The following PCDHA6 variants were observed in gnomAD, a reference collection of about 807,000 sequenced individuals.
PCDHA6 encodes protocadherin alpha 6.
PCDHA6 carries 55 observed loss-of-function variants against 60.3 expected under a neutral mutation model. The ratio of observed to expected loss-of-function variants is 0.91; its 90% CI spans 0.73 to 1.14. PCDHA6 has a LOEUF of 1.14. Among genes scored for constraint, PCDHA6 ranks in the 50% most tolerant of loss-of-function variants. PCDHA6 has a pLI of 0.00. For missense variants in PCDHA6, 1,327 were observed against 1,256.5 expected (o/e 1.06, Z -0.85); for synonymous variants, 652 against 557.9 (o/e 1.17, Z -2.38).
chr5:140,941,211 CTTCCTTTCTTTCTTTCTTT>C (rs1563185577), intron 1 of PCDHA6, among the ~76,000 whole-genome samples: 1,494 of 129,708 alleles, frequency 0.012, 26 homozygotes, highest in African/African-American at 0.041. Flanking sequence ...TCCTTTCTTT[CTTCCTTTCTTTCTTTCTTT>C]CTTTCTTTCT....
intron 1 of PCDHA6, chr5:140,834,485 G>A (rs2150219471): frequency 1.2e-6 from 2 of 1,614,120 alleles, no homozygotes. Context: ...TCCACTACTC[G>A]GTCCCCGAGG....
intron 1 of PCDHA6, among the ~76,000 whole-genome samples, chr5:140,899,128 T>A (rs1217010779): frequency 3.9e-5 from 6 of 152,160 alleles, no homozygotes; most frequent in Non-Finnish European, 7.3e-5. Context: ...CAATCATGTC[T>A]TCTGCAAACA....
chr5:140,988,308 G>T (rs75602297), intron 3 of PCDHA6, among the ~76,000 whole-genome samples: 1,856 of 152,298 alleles, frequency 0.012, 44 homozygotes, highest in African/African-American at 0.043. Context: ...TGCCAGCTTG[G>T]CTTGGCTTTC....
intron 1 of PCDHA6, among the ~76,000 whole-genome samples, chr5:140,886,827 GAAAAAAAAAA>G (rs782016620): frequency 1.6e-5 from 1 of 60,890 alleles, no homozygotes; most frequent in East Asian, 5.7e-4. Flanking sequence ...ACTTCGTCTT[GAAAAAAAAAA>G]AAAAAAAAAA....
At chr5:140,952,705 T>C (rs2094784320) in intron 1 of PCDHA6, among the ~76,000 whole-genome samples, 1 of 152,160 alleles carries the variant, frequency 6.6e-6, no homozygotes, top group Non-Finnish European at 1.5e-5. Context: ...TATCCCACTC[T>C]CAGTATCAAT....
intron 1 of PCDHA6, chr5:140,876,422 A>G: frequency 1.2e-6 from 2 of 1,613,978 alleles, no homozygotes; most frequent in Non-Finnish European, 1.7e-6. Context: ...AATGCCTATG[A>G]AATTCAGGTT....
intron 1 of PCDHA6, chr5:140,848,493 G>A (rs2150411274): frequency 7.0e-6 from 11 of 1,576,596 alleles, no homozygotes; most frequent in Middle Eastern, 3.4e-4. Context: ...CTGAGTATTT[G>A]AAATGTTATA....
At chr5:140,995,488 C>T (rs1402273935) in intron 3 of PCDHA6, among the ~76,000 whole-genome samples, 26 of 152,182 alleles carry the variant, frequency 1.7e-4, no homozygotes, top group Admixed American at 1.6e-3. Context: ...TATTTTCAGA[C>T]TAAGGTTGAC....
intron 1 of PCDHA6, among the ~76,000 whole-genome samples, chr5:140,914,012 G>A (rs2153528687): frequency 6.6e-6 from 1 of 152,234 alleles, no homozygotes; most frequent in Admixed American, 6.5e-5. Context: ...CTATCTTTGA[G>A]AATGATCCAC....
intron 1 of PCDHA6, chr5:140,884,600 C>T: frequency 6.2e-7 from 1 of 1,614,150 alleles, no homozygotes; most frequent in Non-Finnish European, 8.5e-7. Flanking sequence ...CAGCCTTCCT[C>T]CTTGTCTGGG....
intron 1 of PCDHA6, chr5:140,882,140 T>C (rs1010543120): frequency 7.4e-6 from 11 of 1,490,760 alleles, no homozygotes; most frequent in Admixed American, 4.6e-5. Flanking sequence ...GCAGAAAATA[T>C]AGCAGAAAGC....
rs147028446 is a variant in PCDHA6 at position 140,830,275 on chromosome 5, C to G, written c.2184C>G (p.Thr728=). 962 of 1,613,698 alleles carry G rather than the reference C, an allele frequency of 6.0e-4. 1 individual carries two copies. The highest frequency in any genetic ancestry group is 7.3e-4 in the Non-Finnish European group (864 of 1,179,866). ...CGCTGCGGTGCTCGGCGCCACCCAC[C>G]GAGGGCGCGTGCACGGCGGACAAGC... The part of the protein sequence containing the change: ...YTALRCSAPP[T]EGACTADKPT... Residue 728 remains threonine (T), a synonymous_variant, in exon 1 of 4, where the codon ACC becomes ACG. Transcript: ENST00000529310.
chr5:140,856,897 G>C, intron 1 of PCDHA6: 1 of 1,596,350 alleles, frequency 6.3e-7, no homozygotes, highest in Non-Finnish European at 8.6e-7. Flanking sequence ...TTAGCTCTTT[G>C]GTCCCACCCA....
intron 1 of PCDHA6, among the ~76,000 whole-genome samples, chr5:140,943,803 G>A (rs1429767850): frequency 6.6e-6 from 1 of 152,214 alleles, no homozygotes; most frequent in Non-Finnish European, 1.5e-5. Flanking sequence ...AAGCAAAAGA[G>A]GAAAGTTTGA....
At chr5:140,929,034 C>A in intron 1 of PCDHA6, 4 of 1,614,158 alleles carry the variant, frequency 2.5e-6, no homozygotes, top group Non-Finnish European at 3.4e-6. Flanking sequence ...CAGGCTGTTG[C>A]GCTCAGAGCT....
chr5:140,886,659 C>T (rs782545078), intron 1 of PCDHA6, among the ~76,000 whole-genome samples: 4 of 151,858 alleles, frequency 2.6e-5, no homozygotes, highest in African/African-American at 4.8e-5. Context: ...AACCCTGTCT[C>T]TACTAAAAAT....
intron 3 of PCDHA6, among the ~76,000 whole-genome samples, chr5:141,000,558 G>C (rs1462892656): frequency 6.7e-6 from 1 of 149,136 alleles, no homozygotes; most frequent in African/African-American, 2.5e-5. Context: ...CTCCCGAGTA[G>C]CTGGGATTAC....
intron 1 of PCDHA6, among the ~76,000 whole-genome samples, chr5:140,846,420 G>A (rs1780468336): frequency 7.9e-6 from 1 of 125,998 alleles, no homozygotes; most frequent in African/African-American, 3.0e-5. Context: ...TATCTCCCAG[G>A]CTGGAATGCA....
In PCDHA6 at chr5:140,877,445, C is replaced by T. The variant is rs782657623; in HGVS notation, c.2394+46960C>T. ...CTGGTGAAGGACCACGGTGAGCCCG[C>T]GCTGACGTCCACGGCCACGGTGCTG... On this transcript the variant is annotated intron_variant, in intron 1 of 3. Transcript: ENST00000529310. 36 of 1,613,714 alleles carry T rather than the reference C, an allele frequency of 2.2e-5. No individual in the cohort carries two copies. The highest frequency in any genetic ancestry group is 3.0e-5 in the Non-Finnish European group (35 of 1,179,874).
Sources: allele counts gnomAD v4.1 joint callset (sites outside exome capture counted in the v4.1 genomes callset), GRCh38; gene constraint gnomAD v4.1.1; transcripts MANE v1.5; gene names NCBI Gene and HGNC (gene_info 2026-07-23, HGNC 2026-07-21).